Variants in JADE1 observed in about 807,000 individuals in gnomAD.
JADE1 encodes jade family PHD finger 1, also known as protein Jade-1.
Under a neutral mutation model 81.8 loss-of-function variants are expected in JADE1, and 14 were observed. The ratio of observed to expected loss-of-function variants is 0.17; its 90% CI spans 0.11 to 0.27. The LOEUF is 0.27. Among genes scored for constraint, JADE1 ranks in the 10% least tolerant of loss-of-function variants. JADE1 has a pLI of 1.00. For synonymous variants in JADE1, 353 were observed against 391.9 expected, an observed-to-expected ratio of 0.90 and a Z score of 1.17; for missense variants, 690 against 1,047.9, an observed-to-expected ratio of 0.66 and a Z score of 4.71.
intron 1 of JADE1, among the ~76,000 whole-genome samples, chr4:128,818,295 A>G (rs760048553): frequency 4.6e-5 from 7 of 151,720 alleles, no homozygotes; most frequent in Non-Finnish European, 1.0e-4. Flanking sequence ...TAATTTTTGT[A>G]TTTTTAGTAG....
chr4:128,870,153 G>A (rs752034895), intron 10 of JADE1, among the ~76,000 whole-genome samples: 1 of 152,220 alleles, frequency 6.6e-6, no homozygotes, highest in Non-Finnish European at 1.5e-5. Context: ...TGTGGCAGGT[G>A]ATTGAGTAAA....
In JADE1 at chr4:128,861,393, A is replaced by C. The variant is rs150639053; in HGVS notation, c.982-311A>C. Among the ~76,000 whole-genome samples, 3 of 152,246 alleles carry C rather than the reference A, an allele frequency of 2.0e-5. No homozygotes were observed. In the East Asian group the frequency reaches 5.8e-4, roughly 29 times the overall value. ...TAAATTCCAAGACTTGGCTGGGCGC[A>C]GTGGCTCACGCCTGTAATCCCAGCA... On this transcript the variant is annotated intron_variant, in intron 8 of 10. Transcript: ENST00000226319.
intron 1 of JADE1, among the ~76,000 whole-genome samples, chr4:128,810,546 G>A (rs1238235558): frequency 2.0e-5 from 3 of 150,794 alleles, no homozygotes; most frequent in Non-Finnish European, 4.4e-5. Flanking sequence ...GATGGCAATG[G>A]CAGAACGCAG....
chr4:128,872,136 C>T lies in JADE1; in HGVS notation c.2403C>T (p.Asp801=), dbSNP rs149214724. The part of the protein sequence containing the change: ...KSKLKSDNEN[D]GYVPDVEMSD... Reference sequence around the variant, plus strand: ...AATTAAAATCCGACAATGAGAATGACGGGTATGTCCCCGATGTGGAAATGA... The same window carrying T: ...AATTAAAATCCGACAATGAGAATGATGGGTATGTCCCCGATGTGGAAATGA... The change falls in exon 11 of 11, where the codon GAC becomes GAT. Residue 801 remains aspartate, a synonymous_variant. Coordinates refer to ENST00000226319, the MANE Select transcript of JADE1 (RefSeq NM_199320.4). The T allele has an allele frequency of 1.6e-5, 26 of 1,614,006 alleles. No individual in the cohort carries two copies. The highest frequency in any genetic ancestry group is 4.4e-5 in the South Asian group (4 of 91,082).
At chr4:128,853,964 G>C (rs999137992) in intron 6 of JADE1, among the ~76,000 whole-genome samples, 1 of 152,196 alleles carries the variant, frequency 6.6e-6, no homozygotes, top group African/African-American at 2.4e-5. Flanking sequence ...GAGAATTCCT[G>C]TGGTGGCTTT....
At chr4:128,870,281 G>C (rs1388560150) in intron 10 of JADE1, among the ~76,000 whole-genome samples, 1 of 152,142 alleles carries the variant, frequency 6.6e-6, no homozygotes, top group African/African-American at 2.4e-5. Context: ...TCTGTGTTCT[G>C]AGTCGCTAGC....
intron 2 of JADE1, among the ~76,000 whole-genome samples, chr4:128,834,574 G>A (rs951563332): frequency 2.3e-5 from 3 of 128,956 alleles, no homozygotes; most frequent in South Asian, 4.8e-4. Flanking sequence ...TTGCTCTGTC[G>A]CCCAGGCTGG....
At position 128,842,364 on chromosome 4, in the gene JADE1, G is replaced by C. The variant is rs1277650438; in HGVS notation, c.53-589G>C. On this transcript the variant is annotated intron_variant, in intron 2 of 10. Coordinates refer to ENST00000226319, the MANE Select transcript of JADE1 (RefSeq NM_199320.4). ...CCGCAGGCTGGAGTGCAGTGACGCA[G>C]TCTCGGCTCACTTCAGCCTCTGCCT... Among the ~76,000 whole-genome samples the C allele has an allele frequency of 2.6e-5, 4 of 151,398 alleles. No homozygotes were observed. In the South Asian group the frequency reaches 8.3e-4, roughly 32 times the overall value.
Position 128,846,445 on chromosome 4 carries a change from A to G in JADE1, c.209A>G (p.Tyr70Cys), listed in dbSNP as rs1450672439. Residue 70 changes from tyrosine (Y) to cysteine (C), a missense_variant, in exon 4 of 11, where the codon TAT (tyrosine) becomes TGT (cysteine). Physicochemically the swap from Tyr to Cys is radical, Grantham distance 194. Coordinates refer to ENST00000226319, the MANE Select transcript of JADE1 (RefSeq NM_199320.4). The surrounding 1 kb of genome is among the most constrained non-coding windows in gnomAD (Gnocchi z 4.0). ...DSYQLNPDEY[Y>C]VLADPWRQEW... ...TACCAGCTGAATCCGGATGAGTACT[A>G]TGTGTTGGCAGATCCCTGGAGACAG... is the stretch of plus-strand genomic sequence containing the variant. 2 of 1,614,050 alleles carry G rather than the reference A, an allele frequency of 1.2e-6. No individual in the cohort carries two copies. The highest frequency in any genetic ancestry group is 1.1e-5 in the South Asian group (1 of 91,076).
In JADE1 at chr4:128,874,221, CTT is replaced by C. The variant is rs1485843240; in HGVS notation, c.*1961_*1962del. 1 of 152,480 alleles carries C rather than the reference CTT, an allele frequency of 6.6e-6. No individual in the cohort carries two copies. The highest frequency in any genetic ancestry group is 2.4e-5 in the African/African-American group (1 of 41,382). The allele number at this position is 152,480 out of a possible 1,614,324, so 9.4% of individuals were successfully genotyped here. Reference sequence around the variant, plus strand: ...TTGCTGGATACAGGAGAAGGTTGGACTTTATCTACAGTTATCTTTTGATTACA... The same window carrying C: ...TTGCTGGATACAGGAGAAGGTTGGACTATCTACAGTTATCTTTTGATTACA... On this transcript the variant is annotated 3_prime_UTR_variant, in exon 11 of 11. Coordinates refer to ENST00000226319, the MANE Select transcript of JADE1 (RefSeq NM_199320.4).
chr4:128,836,206 C>T (rs769499819), intron 2 of JADE1, among the ~76,000 whole-genome samples: 1 of 152,128 alleles, frequency 6.6e-6, no homozygotes, highest in African/African-American at 2.4e-5. Flanking sequence ...ACTCCCCCTA[C>T]CCTGCAAATC....
chr4:128,872,427 G>A lies in JADE1; in HGVS notation c.*165G>A. 1 of 640,314 alleles carries A rather than the reference G, an allele frequency of 1.6e-6. No individual in the cohort carries two copies. The highest frequency in any genetic ancestry group is 2.6e-6 in the Non-Finnish European group (1 of 381,784). 39.7% of individuals were successfully genotyped at this position (640,314 alleles called of 1,614,324 possible). On this transcript the variant is annotated 3_prime_UTR_variant, in exon 11 of 11. Coordinates refer to ENST00000226319, the MANE Select transcript of JADE1 (RefSeq NM_199320.4). Reference sequence around the variant, plus strand: ...CCAGAGTCATTTTTAAATCATTTTTGTGAGAAGTTTGTGTTATTTGCAACT... The same window carrying A: ...CCAGAGTCATTTTTAAATCATTTTTATGAGAAGTTTGTGTTATTTGCAACT...
intron 2 of JADE1, among the ~76,000 whole-genome samples, chr4:128,837,772 C>T (rs1258028827): frequency 1.3e-5 from 2 of 152,222 alleles, no homozygotes; most frequent in Non-Finnish European, 2.9e-5. Flanking sequence ...GCTGGTTTAA[C>T]ACCCCTAAAG....
chr4:128,833,715 G>A (rs1728744356), intron 2 of JADE1, among the ~76,000 whole-genome samples: 1 of 152,192 alleles, frequency 6.6e-6, no homozygotes, highest in African/African-American at 2.4e-5. Flanking sequence ...CTTGCTTTTA[G>A]GGTGAGAATT....
chr4:128,871,502 C>T lies in JADE1; in HGVS notation c.1769C>T (p.Ser590Leu), dbSNP rs745428599. ...RKQMGTSLVH[S>L]LKKPHKRDPL... Reference sequence around the variant, plus strand: ...CAAATGGGTACTTCCTTGGTTCATTCGCTGAAAAAGCCCCATAAGCGAGAT... The same window carrying T: ...CAAATGGGTACTTCCTTGGTTCATTTGCTGAAAAAGCCCCATAAGCGAGAT... Residue 590 changes from serine (S) to leucine (L), a missense_variant, in exon 11 of 11, where the codon TCG becomes TTG. Physicochemically the swap from Ser to Leu is moderately radical, Grantham distance 145 (BLOSUM62 -2). Around this residue, in one of 8 missense-constraint regions of JADE1, gnomAD observed 86 missense variants for 95.4 expected, o/e 0.90. Transcript: ENST00000226319. This position sits in a 1 kb window ranked among gnomAD's most constrained non-coding sequence, Gnocchi z 4.1. 8.7e-6 allele frequency: 14 copies of T among 1,613,996 alleles called. No homozygotes were observed. The highest frequency in any genetic ancestry group is 4.0e-5 in the African/African-American group (3 of 74,890).
chr4:128,847,944 T>C (rs1355111112), intron 4 of JADE1, among the ~76,000 whole-genome samples: 1 of 152,170 alleles, frequency 6.6e-6, no homozygotes, highest in Non-Finnish European at 1.5e-5. Context: ...GATGGCCTTT[T>C]TTTGGTTCCA....
At chr4:128,849,979 G>T (rs1293011098) in intron 5 of JADE1, among the ~76,000 whole-genome samples, 1 of 152,096 alleles carries the variant, frequency 6.6e-6, no homozygotes, top group Non-Finnish European at 1.5e-5. Flanking sequence ...GCCATGTATT[G>T]TAATCTAGGA....
In JADE1 at chr4:128,848,973, T is replaced by G. The variant is rs1441245068; in HGVS notation, c.297-7T>G. The G allele has an allele frequency of 3.1e-6, 5 of 1,611,416 alleles. No homozygotes were observed. Among genetic ancestry groups the G allele is most frequent in the Non-Finnish European group, 4.2e-6 (5 of 1,179,170 alleles). ...TAACCTGGCTGCCTTGTTTTTTTAT[T>G]ATCCAGGGTTGTGTCTGAAGAGAAA... On this transcript the variant is annotated splice_region_variant and splice_polypyrimidine_tract_variant and intron_variant, in intron 4 of 10. Coordinates refer to ENST00000226319, the MANE Select transcript of JADE1 (RefSeq NM_199320.4).
rs182434118 is a variant in JADE1, at chr4:128,844,824, G to A, written c.139-1551G>A. ...CTGGGGAATAGTCCGTATGGAAAATGACAGGCAGGAGAAATGGCCTCTTTA... is the reference window on the plus strand; with the variant it reads ...CTGGGGAATAGTCCGTATGGAAAATAACAGGCAGGAGAAATGGCCTCTTTA... On this transcript the variant is annotated intron_variant, in intron 3 of 10. Transcript: ENST00000226319. Among the ~76,000 whole-genome samples, 141 of 152,302 alleles carry A rather than the reference G, an allele frequency of 9.3e-4. 1 individual carries two copies. The highest frequency in any genetic ancestry group is 1.6e-3 in the Non-Finnish European group (108 of 68,022).
Sources: gnomAD v4.1 joint callset for allele counts (sites outside exome capture counted in the v4.1 genomes callset) on GRCh38, gnomAD v4.1.1 for gene constraint, gnomAD v4.1.1 regional missense constraint, Gnocchi (gnomAD v3.1) non-coding constraint, MANE v1.5 for transcripts, NCBI Gene and HGNC (gene_info 2026-07-23, HGNC 2026-07-21) for gene names.